Variants in ZFHX3 observed in about 807,000 individuals in gnomAD.
The protein encoded by ZFHX3 is zinc finger homeobox 3.
ZFHX3 carries 42 observed loss-of-function variants against 279.1 expected under a neutral mutation model. That is an observed-to-expected ratio of 0.15 (90% CI 0.12 to 0.19). ZFHX3 has a LOEUF of 0.19. Among genes scored for constraint, ZFHX3 ranks in the 10% least tolerant of loss-of-function variants. The pLI is 1.00. For synonymous variants in ZFHX3, 2,293 were observed against 1,957.8 expected (o/e 1.17, Z -4.52); for missense variants, 4,981 against 4,754.0 (o/e 1.05, Z -1.40).
At chr16:73,611,473 C>A (rs1278769803) in intron 2 of ZFHX3, among the ~76,000 whole-genome samples, 3 of 152,058 alleles carry the variant, frequency 2.0e-5, no homozygotes, top group African/African-American at 2.4e-5. Context: ...ATCTTTTCCA[C>A]AGAAAATATA....
intron 3 of ZFHX3, among the ~76,000 whole-genome samples, chr16:72,921,995 G>A (rs992209009): frequency 1.1e-4 from 16 of 152,320 alleles, no homozygotes; most frequent in Middle Eastern, 3.4e-3. Flanking sequence ...AAACTCCTTG[G>A]AGAAACATCT....
chr16:73,623,925 G>A (rs1283959729), intron 2 of ZFHX3, among the ~76,000 whole-genome samples: 1 of 152,146 alleles, frequency 6.6e-6, no homozygotes, highest in African/African-American at 2.4e-5. Flanking sequence ...AGTATTTCCT[G>A]TGTCACTCTG....
At chr16:73,069,914 G>C (rs1333134455) in intron 8 of ZFHX3, among the ~76,000 whole-genome samples, 1 of 152,176 alleles carries the variant, frequency 6.6e-6, no homozygotes, top group Non-Finnish European at 1.5e-5. Flanking sequence ...CCAGGCATTT[G>C]AAGAAAGATC....
chr16:73,833,334 G>A (rs1961049804), intron 1 of ZFHX3, among the ~76,000 whole-genome samples: 1 of 151,994 alleles, frequency 6.6e-6, no homozygotes, highest in Non-Finnish European at 1.5e-5. Context: ...CTCAAGTCTG[G>A]GCAGCACAGC....
At chr16:72,940,961 GCA>G (rs1378873975) in intron 3 of ZFHX3, among the ~76,000 whole-genome samples, 4 of 152,188 alleles carry the variant, frequency 2.6e-5, no homozygotes, top group African/African-American at 9.7e-5. Context: ...TACACCATAG[GCA>G]CACAGGGTCT....
chr16:73,748,652 T>C (rs2053726689), intron 1 of ZFHX3, among the ~76,000 whole-genome samples: 1 of 152,248 alleles, frequency 6.6e-6, no homozygotes, highest in Non-Finnish European at 1.5e-5. Flanking sequence ...ACATTCATTT[T>C]GCTGCCTAGC....
chr16:73,349,713 CTCCT>C (rs1179709398), intron 3 of ZFHX3, among the ~76,000 whole-genome samples: 761 of 49,448 alleles, frequency 0.015, 31 homozygotes, highest in African/African-American at 0.081. Context: ...CCCTCCCTCC[CTCCT>C]TCCCTCTCTC....
intron 1 of ZFHX3, among the ~76,000 whole-genome samples, chr16:73,735,275 A>C (rs764679232): frequency 1.6e-4 from 25 of 151,636 alleles, no homozygotes; most frequent in Non-Finnish European, 2.9e-4. Flanking sequence ...TCATAGGGTT[A>C]TGAGTCAACT....
chr16:72,902,066 T>C (rs535045253), intron 3 of ZFHX3, among the ~76,000 whole-genome samples: 1 of 152,336 alleles, frequency 6.6e-6, no homozygotes, highest in South Asian at 2.1e-4. Flanking sequence ...AATTATTGAA[T>C]TTCCTTTTTA....
chr16:73,678,298 A>G (rs183308566), intron 2 of ZFHX3, among the ~76,000 whole-genome samples: 7 of 152,266 alleles, frequency 4.6e-5, no homozygotes, highest in African/African-American at 9.6e-5. Flanking sequence ...TTCAAGCCCT[A>G]TTGGTTATTG....
intron 3 of ZFHX3, among the ~76,000 whole-genome samples, chr16:73,429,246 C>T (rs1013854298): frequency 2.0e-5 from 3 of 152,086 alleles, no homozygotes; most frequent in Non-Finnish European, 2.9e-5. Flanking sequence ...AGAGTGAAGC[C>T]GATAGAGTCC....
chr16:72,889,934 T>C lies in ZFHX3; in HGVS notation c.3245A>G (p.Glu1082Gly), dbSNP rs2038728683. The change falls in exon 4 of 10, where the codon GAA (glutamate) becomes GGA (glycine). Residue 1082 changes from glutamate to glycine, a missense_variant. Around this residue, in one of 7 missense-constraint regions of ZFHX3, gnomAD observed 1,751 missense variants for 1,770.0 expected, o/e 0.99. Transcript: ENST00000268489. ...KHLQQHESGV[E>G]GESCYYHCVL... ...GCAGTGGTAGTAGCAGCTCTCACCTTCTACACCACTCTCATGCTGCTGCAG... is the reference window on the plus strand; with the variant it reads ...GCAGTGGTAGTAGCAGCTCTCACCTCCTACACCACTCTCATGCTGCTGCAG... 6.2e-7 allele frequency: 1 copy of C among 1,614,044 alleles called. No homozygotes were observed. Among genetic ancestry groups the C allele is most frequent in the Non-Finnish European group, 8.5e-7 (1 of 1,180,024 alleles).
chr16:72,933,763 G>A (rs1298513832), intron 3 of ZFHX3, among the ~76,000 whole-genome samples: 2 of 148,886 alleles, frequency 1.3e-5, no homozygotes, highest in African/African-American at 4.9e-5. Context: ...ACACTAAAAA[G>A]ACCCAAACTC....
intron 1 of ZFHX3, among the ~76,000 whole-genome samples, chr16:73,712,085 GGA>G (rs994652148): frequency 7.9e-5 from 12 of 152,234 alleles, no homozygotes; most frequent in Admixed American, 5.9e-4. Flanking sequence ...TACGGAGGAT[GGA>G]GAGATGAGGG....
chr16:73,771,829 C>A (rs1224000129), intron 1 of ZFHX3, among the ~76,000 whole-genome samples: 1 of 151,770 alleles, frequency 6.6e-6, no homozygotes, highest in Non-Finnish European at 1.5e-5. Context: ...GCTCCTGGTC[C>A]CTGCCATCCC....
At chr16:73,367,664 C>G (rs899481179) in intron 3 of ZFHX3, among the ~76,000 whole-genome samples, 1 of 152,098 alleles carries the variant, frequency 6.6e-6, no homozygotes, top group African/African-American at 2.4e-5. Context: ...CTGTCCAGCC[C>G]ACCTTGGGCT....
chr16:72,895,648 C>A (rs1008122322), intron 3 of ZFHX3, among the ~76,000 whole-genome samples: 7 of 152,092 alleles, frequency 4.6e-5, no homozygotes, highest in Admixed American at 4.6e-4. Context: ...ATGGTGAGAC[C>A]CCGTCTCTAT....
intron 1 of ZFHX3, among the ~76,000 whole-genome samples, chr16:73,747,264 G>C (rs930538666): frequency 6.6e-6 from 1 of 152,136 alleles, no homozygotes; most frequent in Non-Finnish European, 1.5e-5. Context: ...CATGCCTGTA[G>C]TCCCAACCAC....
At chr16:73,575,906 T>C (rs765439076) in intron 2 of ZFHX3, among the ~76,000 whole-genome samples, 2 of 152,140 alleles carry the variant, frequency 1.3e-5, no homozygotes, top group Non-Finnish European at 2.9e-5. Context: ...TTCTCTCTTG[T>C]ACCCAGGGAG....
Sources: allele counts gnomAD v4.1 joint callset (sites outside exome capture counted in the v4.1 genomes callset), GRCh38; gene constraint gnomAD v4.1.1; regional missense constraint gnomAD v4.1.1; transcripts MANE v1.5; gene names NCBI Gene and HGNC (gene_info 2026-07-23, HGNC 2026-07-21).